Variants in CAST observed in about 807,000 individuals in gnomAD.
CAST encodes the protein MIR583 host.
Under a neutral mutation model 119.6 loss-of-function variants are expected in CAST, and 76 were observed. The observed-to-expected ratio is 0.64, with a 90% CI of 0.53 to 0.77. The LOEUF is 0.77. Among genes scored for constraint, CAST ranks in the 30% least tolerant of loss-of-function variants. The pLI is 0.00. For synonymous variants in CAST, 319 were observed against 331.6 expected (o/e 0.96, Z 0.41); for missense variants, 953 against 946.5 (o/e 1.01, Z -0.09).
the CAST span, among the ~76,000 whole-genome samples, chr5:96,440,553 A>C: frequency 6.7e-6 from 1 of 150,344 alleles, no homozygotes; most frequent in Non-Finnish European, 1.5e-5. Context: ...GACTTGGGAA[A>C]GTGATGGACT....
At chr5:96,303,343 G>T in the CAST span, among the ~76,000 whole-genome samples, 3 of 152,108 alleles carry the variant, frequency 2.0e-5, no homozygotes, top group African/African-American at 7.2e-5. Context: ...GGGACACAGA[G>T]ACAAATCATA....
the CAST span, chr5:96,433,316 C>T: frequency 2.0e-6 from 1 of 488,810 alleles, no homozygotes; most frequent in Non-Finnish European, 3.8e-6. Context: ...AAAGCCATCT[C>T]TTGACGTCAG....
At chr5:96,654,074 A>C (rs1748126989) in intron 1 of CAST, among the ~76,000 whole-genome samples, 2 of 139,174 alleles carry the variant, frequency 1.4e-5, no homozygotes, top group Non-Finnish European at 3.0e-5. Context: ...GCCCAGCTGG[A>C]GTGCAGTGGT....
chr5:96,534,739 G>GAAAGAGAA (rs1554066252), intron 1 of CAST, among the ~76,000 whole-genome samples: 261 of 22,704 alleles, frequency 0.011, 5 homozygotes, highest in East Asian at 0.029. Flanking sequence ...GAGAGAGAGA[G>GAAAGAGAA]AGAAAGAAAG....
At chr5:96,020,587 C>T in the CAST span, among the ~76,000 whole-genome samples, 1 of 152,162 alleles carries the variant, frequency 6.6e-6, no homozygotes, top group Non-Finnish European at 1.5e-5. Flanking sequence ...TTGTGAATTG[C>T]TCCTGCAATC....
chr5:95,971,167 T>A, the CAST span, among the ~76,000 whole-genome samples: 1 of 152,220 alleles, frequency 6.6e-6, no homozygotes, highest in Non-Finnish European at 1.5e-5. Flanking sequence ...CTTTCCTAAA[T>A]AGATTCTGAC....
intron 1 of CAST, among the ~76,000 whole-genome samples, chr5:96,654,761 A>C (rs1023499834): frequency 1.3e-5 from 2 of 152,238 alleles, no homozygotes; most frequent in Non-Finnish European, 2.9e-5. Flanking sequence ...TTGGAAGTGG[A>C]AGCTGAGCAC....
the CAST span, among the ~76,000 whole-genome samples, chr5:96,430,799 A>T: frequency 6.6e-6 from 1 of 152,230 alleles, no homozygotes; most frequent in Non-Finnish European, 1.5e-5. Flanking sequence ...TGTAAATCAT[A>T]TATAAATATA....
intron 1 of CAST, among the ~76,000 whole-genome samples, chr5:96,585,903 G>T (rs547337129): frequency 6.6e-6 from 1 of 152,240 alleles, no homozygotes; most frequent in Admixed American, 6.5e-5. Flanking sequence ...TTAGACACGA[G>T]TTGGTGAAAC....
intron 1 of CAST, among the ~76,000 whole-genome samples, chr5:96,536,437 G>A (rs2150178848): frequency 6.6e-6 from 1 of 152,320 alleles, no homozygotes; most frequent in East Asian, 1.9e-4. Context: ...TGAAGTTGTA[G>A]ACATGCCTGG....
At chr5:96,252,931 C>A in the CAST span, among the ~76,000 whole-genome samples, 2 of 152,080 alleles carry the variant, frequency 1.3e-5, no homozygotes, top group African/African-American at 4.8e-5. Context: ...TAATTCCTAT[C>A]ATTTGCCAGC....
the CAST span, among the ~76,000 whole-genome samples, chr5:96,255,993 A>G: frequency 1.3e-5 from 2 of 151,978 alleles, no homozygotes; most frequent in Non-Finnish European, 2.9e-5. Flanking sequence ...TTTCTAAGAG[A>G]CTTAAATGTG....
chr5:96,689,067 A>T (rs1752414112), intron 2 of CAST, among the ~76,000 whole-genome samples: 1 of 152,192 alleles, frequency 6.6e-6, no homozygotes, highest in Non-Finnish European at 1.5e-5. Context: ...ACAGACAGAA[A>T]ATAAGAACAA....
the CAST span, among the ~76,000 whole-genome samples, chr5:96,192,511 A>G: frequency 1.3e-5 from 2 of 152,370 alleles, no homozygotes; most frequent in East Asian, 3.9e-4. Context: ...GAGAAATTTT[A>G]TAGAATGGGA....
At chr5:96,663,128 GT>G in intron 1 of CAST, 1 of 702,618 alleles carries the variant, frequency 1.4e-6, no homozygotes, top group Non-Finnish European at 2.6e-6. Context: ...GAGCCAGCCG[GT>G]TGTTGCCATG....
chr5:96,033,400 T>C, the CAST span, among the ~76,000 whole-genome samples: 6 of 152,086 alleles, frequency 3.9e-5, no homozygotes, highest in Non-Finnish European at 7.4e-5. Flanking sequence ...CTTCAAAATA[T>C]ACTACAAAGG....
the CAST span, among the ~76,000 whole-genome samples, chr5:96,249,808 AGT>A: frequency 6.6e-6 from 1 of 152,242 alleles, no homozygotes; most frequent in Non-Finnish European, 1.5e-5. Flanking sequence ...GGAAATTTTA[AGT>A]AAATGTCACT....
At chr5:96,626,814 C>A (rs1747733401) in intron 1 of CAST, among the ~76,000 whole-genome samples, 4 of 152,200 alleles carry the variant, frequency 2.6e-5, no homozygotes, top group African/African-American at 9.7e-5. Context: ...ATCGCCGAGG[C>A]CTGGGACAGT....
At chr5:96,254,580 G>T in the CAST span, among the ~76,000 whole-genome samples, 7 of 151,928 alleles carry the variant, frequency 4.6e-5, no homozygotes, top group African/African-American at 1.7e-4. Flanking sequence ...TTAAAAAGTG[G>T]TTCCTATATT....
Sources: gnomAD v4.1 joint callset for allele counts (sites outside exome capture counted in the v4.1 genomes callset) on GRCh38, gnomAD v4.1.1 for gene constraint, MANE v1.5 for transcripts, NCBI Gene and HGNC (gene_info 2026-07-23, HGNC 2026-07-21) for gene names.